TP53BP1: variants seen among roughly 807,000 people sequenced by gnomAD.
The protein encoded by TP53BP1 is TP53-binding protein 1.
In TP53BP1, 61 loss-of-function variants were observed where a neutral mutation model predicts 200.8. The observed-to-expected ratio is 0.30, with a 90% confidence interval of 0.25 to 0.38. The LOEUF (loss-of-function observed/expected upper bound fraction) is 0.38. TP53BP1 is among the 10% of genes least tolerant of loss of function. The pLI is 1.00. For missense variants in TP53BP1, 2,144 were observed against 2,371.9 expected (o/e 0.90, Z 2.00); for synonymous variants, 822 against 844.3 (o/e 0.97, Z 0.46).
At chr15:43,431,981 T>C (rs1473848244) in intron 17 of TP53BP1, among the ~76,000 whole-genome samples, 1 of 152,256 alleles carries the variant, frequency 6.6e-6, no homozygotes, top group East Asian at 1.9e-4. Context: ...GTAGCAATAC[T>C]ACATTTTCCC....
intron 10 of TP53BP1, among the ~76,000 whole-genome samples, chr15:43,474,455 CAA>C (rs398043214): frequency 2.1e-4 from 17 of 79,102 alleles, no homozygotes; most frequent in African/African-American, 3.0e-4. Context: ...TGGGGTTAGA[CAA>C]AAAAAAAAAA....
chr15:43,426,816 T>C (rs537949418), intron 18 of TP53BP1, among the ~76,000 whole-genome samples: 204 of 148,846 alleles, frequency 1.4e-3, no homozygotes, highest in African/African-American at 4.9e-3. Context: ...AAGACCAGCC[T>C]GGCCAAGATG....
rs1426757297 is a variant in TP53BP1 at position 43,432,086 on chromosome 15, C to A, written c.3675+108G>T. On this transcript the variant is annotated intron_variant, in intron 17 of 27. Transcript: ENST00000382044. ...TTTGTCTTTTAACCACTGTTCTGTA[C>A]AAAACTGTCAAGAATTGTCATTAGG... is the stretch of plus-strand genomic sequence containing the variant. 6 of 1,473,886 alleles carry A rather than the reference C, an allele frequency of 4.1e-6. No individual in the cohort carries two copies. The African/African-American group carries it at 7.0e-5, about 17-fold the overall frequency. The allele number at this position is 1,473,886 out of a possible 1,614,324, so 91.3% of individuals were successfully genotyped here.
intron 1 of TP53BP1, among the ~76,000 whole-genome samples, chr15:43,509,006 G>A (rs1298087289): frequency 1.3e-5 from 2 of 152,054 alleles, no homozygotes; most frequent in Non-Finnish European, 2.9e-5. Context: ...GTTAACTACT[G>A]CTGACCTTTA....
rs981538723 is a variant in TP53BP1 at position 43,466,391 on chromosome 15, A to G, written c.1389+3467T>C. Among the ~76,000 whole-genome samples, 9 of 152,364 alleles carry G rather than the reference A, an allele frequency of 5.9e-5. No homozygotes were observed. The South Asian group carries it at 1.0e-3, about 18-fold the overall frequency. On this transcript the variant is annotated intron_variant, in intron 11 of 27. Coordinates refer to ENST00000382044, the MANE Select transcript of TP53BP1 (RefSeq NM_001141980.3). ...GATTTAATGAGAGTCAAAGAAAACTAAACAAATAAAAAAAGACAATTACAA... is the reference window on the plus strand; with the variant it reads ...GATTTAATGAGAGTCAAAGAAAACTGAACAAATAAAAAAAGACAATTACAA...
chr15:43,449,278 T>C (rs1387752651), intron 12 of TP53BP1, among the ~76,000 whole-genome samples: 1 of 152,188 alleles, frequency 6.6e-6, no homozygotes, highest in Non-Finnish European at 1.5e-5. Flanking sequence ...TAGCCCCTTA[T>C]AAAGCAAGTT....
chr15:43,510,509 CA>C (rs35271859), exon 1 of TP53BP1: 42,289 of 133,192 alleles, frequency 0.32, 10,082 homozygotes, highest in African/African-American at 0.66. Flanking sequence ...TGACAAAAAA[CA>C]AAAAAAAAAA....
chr15:43,496,785 G>A (rs1444137853), upstream of TP53BP1, among the ~76,000 whole-genome samples: 1 of 151,922 alleles, frequency 6.6e-6, no homozygotes, highest in Non-Finnish European at 1.5e-5. Context: ...AACACACCTG[G>A]CTAATTTTGT....
In TP53BP1 at chr15:43,456,479, T is replaced by G; in HGVS notation, c.2129A>C (p.Lys710Thr). 6.4e-7 allele frequency: 1 copy of G among 1,570,544 alleles called. No homozygotes were observed. Among genetic ancestry groups the G allele is most frequent in the East Asian group, 2.2e-5 (1 of 44,688 alleles). ...ETQSQGLCLQ[K>T]EMPKKECSEA... ...TGAGCATTCTTTTTTTGGCATTTCCTTTTGAAGACACAACCCTTGGGACTG... is the reference window on the plus strand; with the variant it reads ...TGAGCATTCTTTTTTTGGCATTTCCGTTTGAAGACACAACCCTTGGGACTG... Residue 710 changes from lysine (K) to threonine (T), a missense_variant, in exon 12 of 28, where the codon AAG becomes ACG. Coordinates refer to ENST00000382044, the MANE Select transcript of TP53BP1 (RefSeq NM_001141980.3).
At chr15:43,470,127 A>G in intron 10 of TP53BP1, 61 bp from the exon 11 acceptor site, 2 of 1,355,992 alleles carry the variant, frequency 1.5e-6, no homozygotes, top group Non-Finnish European at 2.1e-6. Context: ...CTCATGTTCC[A>G]AAACCACTAA....
chr15:43,477,297 C>G (rs1302687023), intron 8 of TP53BP1, among the ~76,000 whole-genome samples: 2 of 122,488 alleles, frequency 1.6e-5, no homozygotes, highest in African/African-American at 4.3e-5. Context: ...GAGACTCCAT[C>G]TCAAAAAAAA....
Position 43,407,539 on chromosome 15 carries a change from C to T in TP53BP1, c.5778G>A (p.Val1926=). The change falls in exon 28 of 28, where the codon GTG becomes GTA. Residue 1926 remains valine (V), a synonymous_variant. Coordinates refer to ENST00000382044, the MANE Select transcript of TP53BP1 (RefSeq NM_001141980.3). ...CCGAGGCTGGGCATGAGGGGTCCGT[C>T]ACCACCACATCAAATACCCCTAAAG... is the stretch of plus-strand genomic sequence containing the variant. ...DIALGVFDVV[V]TDPSCPASVL... is the part of the protein sequence containing the mutation. 1 of 1,614,094 alleles carries T rather than the reference C, an allele frequency of 6.2e-7. No individual in the cohort carries two copies. The highest frequency in any genetic ancestry group is 8.5e-7 in the Non-Finnish European group (1 of 1,179,986).
At position 43,404,139 on chromosome 15, in the gene TP53BP1, T is replaced by A. The variant is rs958474195; in HGVS notation, c.*3244A>T. On this transcript the variant is annotated 3_prime_UTR_variant, in exon 28 of 28. Coordinates refer to ENST00000382044, the MANE Select transcript of TP53BP1 (RefSeq NM_001141980.3). ...ATTATCTGCTTGTAATCAAAACGGGTTCTCCCCAACCCCAGTACTTGACAA... is the reference window on the plus strand; with the variant it reads ...ATTATCTGCTTGTAATCAAAACGGGATCTCCCCAACCCCAGTACTTGACAA... The A allele has an allele frequency of 7.4e-5, 38 of 516,340 alleles. No individual in the cohort carries two copies. Among genetic ancestry groups the A allele is most frequent in the African/African-American group, 7.0e-4 (37 of 52,798 alleles). The allele number at this position is 516,340 out of a possible 1,614,324, so 32.0% of individuals were successfully genotyped here. A position where few individuals can be genotyped will look rare whatever the true frequency, so the allele number is the denominator to read the frequency against.
At chr15:43,409,795 C>G in intron 24 of TP53BP1, 54 bp from the exon 25 acceptor site, 2 of 873,352 alleles carry the variant, frequency 2.3e-6, no homozygotes, top group Non-Finnish European at 3.4e-6. Context: ...TTCTTATTTG[C>G]TACCTTATGC....
Position 43,410,208 on chromosome 15 carries a change from A to ATATAAG in TP53BP1, c.5306-468_5306-467insCTTATA, listed in dbSNP as rs2045072664. The stretch of plus-strand genomic sequence containing the variant: ...TTTATAAGTTATATATGAAGGGTTT[A>ATATAAG]TTATAAACCACTGCATCAGCCTTTT... On this transcript the variant is annotated intron_variant, in intron 24 of 27. Transcript: ENST00000382044. Among the ~76,000 whole-genome samples, 6 of 152,362 alleles carry ATATAAG rather than the reference A, an allele frequency of 3.9e-5. No individual in the cohort carries two copies. In the South Asian group the frequency reaches 1.2e-3, roughly 32 times the overall value.
chr15:43,485,585 A>AAAAAAAAAAAAAT lies in TP53BP1; in HGVS notation c.372-4564_372-4563insATTTTTTTTTTTT, dbSNP rs2079036012. ...GAGCGAGACGCCGTCTCAAAAAAAAAAAAAGAAAGTACTTTGGGAGGCCGA... is the reference window on the plus strand; with the variant it reads ...GAGCGAGACGCCGTCTCAAAAAAAAAAAAAAAAAAAAATAAAAGAAAGTACTTTGGGAGGCCGA... On this transcript the variant is annotated intron_variant, in intron 4 of 27. Coordinates refer to ENST00000382044, the MANE Select transcript of TP53BP1 (RefSeq NM_001141980.3). 1.3e-5 allele frequency among the ~76,000 whole-genome samples: 2 copies of AAAAAAAAAAAAAT among 149,074 alleles called. 1 individual carries two copies. The highest frequency in any genetic ancestry group is 3.0e-5 in the Non-Finnish European group (2 of 67,208).
chr15:43,499,579 T>G (rs1279677412), intron 1 of TP53BP1, among the ~76,000 whole-genome samples: 10 of 152,232 alleles, frequency 6.6e-5, no homozygotes, highest in Admixed American at 6.5e-4. Flanking sequence ...AAGGCTGATC[T>G]GGACTTGTAC....
chr15:43,410,419 G>A (rs1474564488), intron 24 of TP53BP1, among the ~76,000 whole-genome samples: 1 of 152,114 alleles, frequency 6.6e-6, no homozygotes, highest in Non-Finnish European at 1.5e-5. Context: ...ATAGTCTTGA[G>A]AGTGAAGTAG....
chr15:43,426,569 T>C (rs1595539587), intron 18 of TP53BP1, among the ~76,000 whole-genome samples: 1 of 152,112 alleles, frequency 6.6e-6, no homozygotes, highest in East Asian at 1.9e-4. Context: ...AAATGTTATC[T>C]GACATGAGGG....
Sources: allele counts gnomAD v4.1 joint callset (sites outside exome capture counted in the v4.1 genomes callset), GRCh38; gene constraint gnomAD v4.1.1; transcripts MANE v1.5; gene names NCBI Gene and HGNC (gene_info 2026-07-23, HGNC 2026-07-21).